GALNT13: variants seen among roughly 807,000 people sequenced by gnomAD.
GALNT13 encodes UDP-GalNAc:polypeptide N-acetylgalactosaminyltransferase 13.
GALNT13 carries 28 observed loss-of-function variants against 64.2 expected under a neutral mutation model. The observed-to-expected ratio is 0.44, with a 90% CI of 0.32 to 0.60. GALNT13 has a LOEUF of 0.60. GALNT13 is among the 20% of genes least tolerant of loss of function. GALNT13 has a pLI of 0.05. For missense variants in GALNT13, 577 were observed against 669.8 expected (o/e 0.86, Z 1.53); for synonymous variants, 214 against 224.6 (o/e 0.95, Z 0.42).
At chr2:154,419,621 A>G (rs902254867) in intron 11 of GALNT13, among the ~76,000 whole-genome samples, 1 of 152,158 alleles carries the variant, frequency 6.6e-6, no homozygotes, top group African/African-American at 2.4e-5. Flanking sequence ...CTTTGGCTCT[A>G]TGCTTTCTAG....
intron 9 of GALNT13, among the ~76,000 whole-genome samples, chr2:154,366,521 T>C (rs570359164): frequency 6.6e-6 from 1 of 152,332 alleles, no homozygotes; most frequent in East Asian, 1.9e-4. Context: ...TGACATCTTT[T>C]AGACTGAGAT....
chr2:153,692,662 A>C, the GALNT13 span, among the ~76,000 whole-genome samples: 49,374 of 152,108 alleles, frequency 0.32, 8,682 homozygotes, highest in Middle Eastern at 0.52. Context: ...ATTTGCTTTC[A>C]TCTAGCAGTG....
chr2:153,523,349 T>C, the GALNT13 span, among the ~76,000 whole-genome samples: 5 of 152,322 alleles, frequency 3.3e-5, no homozygotes, highest in Admixed American at 2.0e-4. Context: ...TGGTGATATC[T>C]ACAAAAATAA....
chr2:153,128,296 G>T, the GALNT13 span, among the ~76,000 whole-genome samples: 7 of 152,156 alleles, frequency 4.6e-5, no homozygotes, highest in African/African-American at 1.7e-4. Flanking sequence ...TCACAATCAC[G>T]GTGGAAAGCA....
the GALNT13 span, among the ~76,000 whole-genome samples, chr2:153,680,481 A>G: frequency 2.0e-5 from 3 of 152,058 alleles, no homozygotes; most frequent in East Asian, 5.8e-4. Flanking sequence ...AAAAGAGAAT[A>G]AAAATAAACT....
chr2:153,079,446 A>G, the GALNT13 span, among the ~76,000 whole-genome samples: 2 of 152,198 alleles, frequency 1.3e-5, no homozygotes, highest in Non-Finnish European at 2.9e-5. Flanking sequence ...ATTGGCTGTT[A>G]TACATTAACA....
At chr2:153,912,441 T>TGGAGAACTAG (rs766595889) in intron 2 of GALNT13, among the ~76,000 whole-genome samples, 61 of 152,310 alleles carry the variant, frequency 4.0e-4, no homozygotes, top group Non-Finnish European at 5.7e-4. Flanking sequence ...CAACTCTTCT[T>TGGAGAACTAG]GGAGAACTAG....
chr2:153,830,086 GATT>G, the GALNT13 span, among the ~76,000 whole-genome samples: 1 of 152,050 alleles, frequency 6.6e-6, no homozygotes, highest in Non-Finnish European at 1.5e-5. Flanking sequence ...ATTCTGAAAT[GATT>G]ATTATTTTTA....
chr2:153,867,298 C>T (rs184899351), upstream of GALNT13, among the ~76,000 whole-genome samples: 9 of 152,230 alleles, frequency 5.9e-5, no homozygotes, highest in African/African-American at 1.7e-4. Context: ...TATCTAATTA[C>T]GGGCCCTAGC....
the GALNT13 span, among the ~76,000 whole-genome samples, chr2:153,635,868 A>C: frequency 6.6e-6 from 1 of 152,168 alleles, no homozygotes. Context: ...ATGTTTAAGA[A>C]AAGGCTTTTT....
At chr2:153,876,234 C>T (rs1686370503) in intron 1 of GALNT13, among the ~76,000 whole-genome samples, 1 of 141,816 alleles carries the variant, frequency 7.1e-6, no homozygotes, top group South Asian at 2.2e-4. Context: ...CACACACACA[C>T]ATACACACAC....
chr2:154,160,437 A>G (rs1377970063), intron 4 of GALNT13, among the ~76,000 whole-genome samples: 1 of 151,938 alleles, frequency 6.6e-6, no homozygotes, highest in African/African-American at 2.4e-5. Context: ...TACCATATCC[A>G]CTTCCCTGTA....
chr2:154,097,113 G>A (rs1450585748), intron 3 of GALNT13, among the ~76,000 whole-genome samples: 10 of 151,976 alleles, frequency 6.6e-5, no homozygotes, highest in Non-Finnish European at 2.9e-5. Flanking sequence ...TAGAGGATTT[G>A]CCATAAATAC....
chr2:154,323,561 T>C (rs143740046), intron 9 of GALNT13, among the ~76,000 whole-genome samples: 111 of 152,256 alleles, frequency 7.3e-4, no homozygotes, highest in African/African-American at 2.5e-3. Flanking sequence ...ATGAATGGCA[T>C]TGAGTTATGT....
At chr2:153,489,473 G>A in the GALNT13 span, among the ~76,000 whole-genome samples, 2 of 152,172 alleles carry the variant, frequency 1.3e-5, no homozygotes, top group African/African-American at 2.4e-5. Flanking sequence ...TACAAAGATT[G>A]TTTGGATAGC....
the GALNT13 span, among the ~76,000 whole-genome samples, chr2:153,256,319 A>G: frequency 1.3e-5 from 2 of 152,134 alleles, no homozygotes; most frequent in East Asian, 3.9e-4. Flanking sequence ...CAGCTCCATC[A>G]GCTCCTTTAA....
chr2:154,027,367 A>G (rs945173854), intron 3 of GALNT13, among the ~76,000 whole-genome samples: 1 of 152,106 alleles, frequency 6.6e-6, no homozygotes, highest in Non-Finnish European at 1.5e-5. Flanking sequence ...CTGCTTTTCC[A>G]TATTCAGTAG....
chr2:153,478,659 G>A, the GALNT13 span: 22 of 1,022,106 alleles, frequency 2.2e-5, no homozygotes, highest in Non-Finnish European at 2.7e-5. Context: ...GCGCTCACTC[G>A]CAGACTAGCG....
intron 3 of GALNT13, among the ~76,000 whole-genome samples, chr2:153,971,613 T>C (rs1693745789): frequency 6.6e-6 from 1 of 152,148 alleles, no homozygotes; most frequent in Non-Finnish European, 1.5e-5. Flanking sequence ...ATAAACAGAA[T>C]ATAAGCATGC....
Sources: gnomAD v4.1 joint callset for allele counts (sites outside exome capture counted in the v4.1 genomes callset) on GRCh38, gnomAD v4.1.1 for gene constraint, MANE v1.5 for transcripts, NCBI Gene and HGNC (gene_info 2026-07-23, HGNC 2026-07-21) for gene names.